CLSPN: variants seen among roughly 807,000 people sequenced by gnomAD.
CLSPN encodes claspin homolog.
CLSPN carries 85 observed loss-of-function variants against 156.3 expected under a neutral mutation model. That is an observed-to-expected ratio of 0.54 (90% confidence interval 0.46 to 0.65). CLSPN has a LOEUF of 0.65. CLSPN is among the 30% of genes least tolerant of loss of function. The pLI is 0.00. For synonymous variants in CLSPN, 534 were observed against 542.4 expected (o/e 0.98, Z 0.22); for missense variants, 1,407 against 1,554.9 (o/e 0.90, Z 1.60).
At chr1:35,730,863 CA>C (rs1045022293), downstream of CLSPN, among the ~76,000 whole-genome samples, 1 of 148,938 alleles carries the variant, frequency 6.7e-6, no homozygotes. Flanking sequence ...GAATCCATCT[CA>C]AAAAAAAAGA....
chr1:35,760,662 G>T lies in CLSPN; in HGVS notation c.1259C>A (p.Pro420His). ...CAACACTGAGCTGTCCCCAGGTGAAGGTCTAATGTCACTCTGCTTCTGTTT... is the reference window on the plus strand; with the variant it reads ...CAACACTGAGCTGTCCCCAGGTGAATGTCTAATGTCACTCTGCTTCTGTTT... Reference protein sequence around the residue: ...QEKQKQSDIRPSPGDSSVLQQ... With the variant: ...QEKQKQSDIRHSPGDSSVLQQ... The change falls in exon 8 of 25, where the codon CCT becomes CAT. Residue 420 changes from proline to histidine, a missense_variant. Transcript: ENST00000318121. 6.2e-7 allele frequency: 1 copy of T among 1,614,140 alleles called. No homozygotes were observed. The highest frequency in any genetic ancestry group is 8.5e-7 in the Non-Finnish European group (1 of 1,180,020).
chr1:35,751,142 T>TAA lies in CLSPN; in HGVS notation c.2028+106_2028+107dup. On this transcript the variant is annotated intron_variant, in intron 10 of 24. Transcript: ENST00000318121. ...GAGGTAGTTACCCTCATCATGCCCC[T>TAA]AAAACCTCTTATACAATTGAACATG... 9 of 1,444,784 alleles carry TAA rather than the reference T, an allele frequency of 6.2e-6. 1 individual carries two copies. Among genetic ancestry groups the TAA allele is most frequent in the Non-Finnish European group, 8.3e-6 (9 of 1,079,220 alleles). The allele number at this position is 1,444,784 out of a possible 1,614,324, so 89.5% of individuals were successfully genotyped here.
At chr1:35,725,343 C>T (rs185531974) in intron 24 of CLSPN, among the ~76,000 whole-genome samples, 1 of 152,138 alleles carries the variant, frequency 6.6e-6, no homozygotes, top group Non-Finnish European at 1.5e-5. Flanking sequence ...AAGCGGTCAC[C>T]AGGACATCAG....
chr1:35,765,833 C>T (rs1642652469), intron 1 of CLSPN, among the ~76,000 whole-genome samples: 1 of 152,042 alleles, frequency 6.6e-6, no homozygotes, highest in Non-Finnish European at 1.5e-5. Flanking sequence ...GTATTCCTGA[C>T]AGAACAATCA....
chr1:35,760,484 T>C lies in CLSPN; in HGVS notation c.1437A>G (p.Lys479=). 6.2e-7 allele frequency: 1 copy of C among 1,614,234 alleles called. No individual in the cohort carries two copies. The highest frequency in any genetic ancestry group is 8.5e-7 in the Non-Finnish European group (1 of 1,180,046). The change falls in exon 8 of 25, where the codon AAA becomes AAG. Residue 479 remains lysine (K), a synonymous_variant. Transcript: ENST00000318121. ...EKVEEPEQQN[K]SSAVGPPEKV... is the part of the protein sequence containing the mutation. Reference sequence around the variant, plus strand: ...TTTCAGGTGGCCCAACTGCTGATGATTTATTTTGCTGCTCAGGCTCTTCCA... The same window carrying C: ...TTTCAGGTGGCCCAACTGCTGATGACTTATTTTGCTGCTCAGGCTCTTCCA...
chr1:35,720,824 T>A, exon 25 of CLSPN: 1 of 1,112,656 alleles, frequency 9.0e-7, no homozygotes, highest in Non-Finnish European at 1.3e-6. Context: ...AGCCATAAAG[T>A]CATCAATTGT....
chr1:35,765,383 C>T (rs2148628010), intron 1 of CLSPN, 57 bp from the exon 2 acceptor site: 2 of 1,112,274 alleles, frequency 1.8e-6, no homozygotes, highest in Non-Finnish European at 2.7e-6. Context: ...GCTCCAAGTA[C>T]ATAATGACAC....
At position 35,743,214 on chromosome 1, in the gene CLSPN, G is replaced by C. The variant is rs780528532; in HGVS notation, c.3070C>G (p.Leu1024Val). 7.4e-6 allele frequency: 12 copies of C among 1,613,812 alleles called. No individual in the cohort carries two copies. Among genetic ancestry groups the C allele is most frequent in the Non-Finnish European group, 1.0e-5 (12 of 1,179,822 alleles). The change falls in exon 18 of 25, where the codon CTG (leucine) becomes GTG (valine). Residue 1024 changes from leucine (L) to valine (V), a missense_variant. By Grantham distance (32) the Leu-to-Val change is conservative. This residue lies in a region of CLSPN where 1,096 missense variants were observed against 1,193.0 expected (regional missense o/e 0.92). Coordinates refer to ENST00000318121, the MANE Select transcript of CLSPN (RefSeq NM_022111.4). ...EDEHSDSGND[L>V]ALEDHEDDDE... ...TCATCTTCATGGTCTTCCAGTGCCA[G>C]ATCATTACCAGAGTCACTGTGTTCA...
intron 12 of CLSPN, 65 bp downstream of exon 12, chr1:35,749,402 G>T: frequency 6.8e-7 from 1 of 1,477,770 alleles, no homozygotes; most frequent in Non-Finnish European, 9.4e-7. Flanking sequence ...CCGTACTGCA[G>T]TCCTTAAATA....
At position 35,732,196 on chromosome 1, in the gene CLSPN, G is replaced by A; in HGVS notation, c.*4300C>T. The A allele has an allele frequency of 1.0e-6, 1 of 985,268 alleles. No homozygotes were observed. Among genetic ancestry groups the A allele is most frequent in the Non-Finnish European group, 1.2e-6 (1 of 829,896 alleles). The allele number at this position is 985,268 out of a possible 1,614,324, so 61.0% of individuals were successfully genotyped here. A position where few individuals can be genotyped will look rare whatever the true frequency, so the allele number is the denominator to read the frequency against. ...TGCCAGGCGATGAGTAGGATATAAG[G>A]GTAGAAGATACAATACCATCTCAAG... is the stretch of plus-strand genomic sequence containing the variant. On this transcript the variant is annotated 3_prime_UTR_variant, in exon 25 of 25. Coordinates refer to ENST00000318121, the MANE Select transcript of CLSPN (RefSeq NM_022111.4).
At position 35,734,753 on chromosome 1, in the gene CLSPN, T is replaced by G. The variant is rs761303151; in HGVS notation, c.*1743A>C. On this transcript the variant is annotated 3_prime_UTR_variant, in exon 25 of 25. Transcript: ENST00000318121. ...GAAAAACTGTAAAAAACCTACAACCTAATTGCATCAATTAAATTGGTGTTC... is the reference window on the plus strand; with the variant it reads ...GAAAAACTGTAAAAAACCTACAACCGAATTGCATCAATTAAATTGGTGTTC... 1.9e-5 allele frequency: 19 copies of G among 983,482 alleles called. No homozygotes were observed. The highest frequency in any genetic ancestry group is 3.5e-5 in the African/African-American group (2 of 57,122). 60.9% of individuals were successfully genotyped at this position (983,482 alleles called of 1,614,324 possible).
intron 18 of CLSPN, among the ~76,000 whole-genome samples, chr1:35,739,785 G>A (rs1641631343): frequency 2.0e-5 from 3 of 152,316 alleles, no homozygotes; most frequent in Non-Finnish European, 1.5e-5. Flanking sequence ...TAATATGAAA[G>A]TGCATTTTCA....
intron 6 of CLSPN, among the ~76,000 whole-genome samples, chr1:35,761,444 C>T (rs1315284376): frequency 6.6e-6 from 1 of 152,062 alleles, no homozygotes; most frequent in Non-Finnish European, 1.5e-5. Flanking sequence ...GATCCCATTT[C>T]GAATCTACTG....
At chr1:35,750,028 G>A (rs930415299) in intron 10 of CLSPN, among the ~76,000 whole-genome samples, 2 of 149,942 alleles carry the variant, frequency 1.3e-5, no homozygotes, top group Admixed American at 1.3e-4. Context: ...CTACCCTCCC[G>A]AAATTGCTAA....
chr1:35,739,739 G>C (rs1183542438), intron 18 of CLSPN, among the ~76,000 whole-genome samples: 1 of 152,192 alleles, frequency 6.6e-6, no homozygotes, highest in African/African-American at 2.4e-5. Flanking sequence ...TACGCACTTA[G>C]TATGCTTCTC....
chr1:35,763,792 T>G (rs1642566627), intron 3 of CLSPN, among the ~76,000 whole-genome samples: 1 of 140,126 alleles, frequency 7.1e-6, no homozygotes, highest in African/African-American at 2.8e-5. Context: ...GTTTTTTTGG[T>G]TTTTGTTTTT....
intron 10 of CLSPN, among the ~76,000 whole-genome samples, 188 bp from the exon 11 acceptor site, chr1:35,749,999 T>TG (rs1642027248): frequency 3.7e-5 from 2 of 54,164 alleles, no homozygotes; most frequent in Non-Finnish European, 1.3e-4. Context: ...AACTTTTTTC[T>TG]ATTTTTTTTT....
chr1:35,723,402 A>G (rs1222045368), intron 24 of CLSPN, among the ~76,000 whole-genome samples: 1 of 152,228 alleles, frequency 6.6e-6, no homozygotes. Flanking sequence ...TCCAGGTCCC[A>G]GGGCCTGGGG....
In CLSPN at chr1:35,758,941, C is replaced by CT. The variant is rs1642384891; in HGVS notation, c.1579+1400dup. Among the ~76,000 whole-genome samples, 3 of 151,744 alleles carry CT rather than the reference C, an allele frequency of 2.0e-5. No homozygotes were observed. In the South Asian group the frequency reaches 6.2e-4, roughly 32 times the overall value. ...GCACCACTGTGTCTGGCTTTCTTCT[C>CT]TTTTTTAAACAAAAGATGCTTGAAG... On this transcript the variant is annotated intron_variant, in intron 8 of 24. Coordinates refer to ENST00000318121, the MANE Select transcript of CLSPN (RefSeq NM_022111.4).
Sources: allele counts gnomAD v4.1 joint callset (sites outside exome capture counted in the v4.1 genomes callset), GRCh38; gene constraint gnomAD v4.1.1; regional missense constraint gnomAD v4.1.1; transcripts MANE v1.5; gene names NCBI Gene and HGNC (gene_info 2026-07-23, HGNC 2026-07-21).